Variants in PRORP observed in about 807,000 individuals in gnomAD.
The protein encoded by PRORP is protein only RNase P catalytic subunit, also known as mitochondrial ribonuclease P catalytic subunit.
Under a neutral mutation model 59.4 loss-of-function variants are expected in PRORP, and 51 were observed. The observed-to-expected ratio is 0.86, with a 90% CI of 0.69 to 1.08. PRORP has a LOEUF of 1.08. Among genes scored for constraint, PRORP ranks in the 50% least tolerant of loss-of-function variants. PRORP has a pLI of 0.00. For synonymous variants in PRORP, 231 were observed against 245.6 expected (o/e 0.94, Z 0.55); for missense variants, 646 against 690.3 (o/e 0.94, Z 0.72).
intron 4 of PRORP, among the ~76,000 whole-genome samples, chr14:35,133,303 A>G (rs1394892031): frequency 6.6e-6 from 1 of 152,178 alleles, no homozygotes; most frequent in African/African-American, 2.4e-5. Flanking sequence ...ACTCTGATGC[A>G]TTCTTCAGCA....
chr14:35,178,261 G>T (rs1400224300), intron 4 of PRORP, among the ~76,000 whole-genome samples: 6 of 152,132 alleles, frequency 3.9e-5, no homozygotes, highest in East Asian at 1.9e-4. Context: ...TATTAGGTCC[G>T]CTTGATGCCG....
At chr14:35,135,844 G>A (rs950025375) in intron 4 of PRORP, among the ~76,000 whole-genome samples, 2 of 152,052 alleles carry the variant, frequency 1.3e-5, no homozygotes, top group Non-Finnish European at 2.9e-5. Flanking sequence ...TGTAGTCCCA[G>A]CTACTAAGGA....
intron 5 of PRORP, among the ~76,000 whole-genome samples, chr14:35,188,234 A>G (rs1368281085): frequency 7.6e-6 from 1 of 132,308 alleles, no homozygotes; most frequent in East Asian, 2.3e-4. Flanking sequence ...TCTGTTGCCC[A>G]GGCTGGAGTG....
chr14:35,152,499 A>G (rs1188992634), intron 4 of PRORP, among the ~76,000 whole-genome samples: 1 of 124,740 alleles, frequency 8.0e-6, no homozygotes, highest in Non-Finnish European at 1.7e-5. Context: ...ACTTCCCAGA[A>G]GGGGCGGCCA....
At chr14:35,228,059 C>A (rs1056962384) in intron 5 of PRORP, among the ~76,000 whole-genome samples, 1 of 152,170 alleles carries the variant, frequency 6.6e-6, no homozygotes, top group African/African-American at 2.4e-5. Flanking sequence ...AGAAGAATCG[C>A]TTGAACCCAG....
At chr14:35,234,530 T>C (rs929676502) in intron 5 of PRORP, among the ~76,000 whole-genome samples, 1 of 152,202 alleles carries the variant, frequency 6.6e-6, no homozygotes, top group Non-Finnish European at 1.5e-5. Context: ...AATTTTTGGA[T>C]GTATGCTAAT....
intron 4 of PRORP, among the ~76,000 whole-genome samples, chr14:35,148,237 C>A (rs1566456359): frequency 2.0e-5 from 3 of 152,198 alleles, no homozygotes; most frequent in Admixed American, 2.0e-4. Flanking sequence ...CAGCTATAGC[C>A]TTACAAAACA....
chr14:35,205,304 C>G (rs2139145427), intron 5 of PRORP, among the ~76,000 whole-genome samples: 1 of 152,312 alleles, frequency 6.6e-6, no homozygotes, highest in East Asian at 1.9e-4. Flanking sequence ...GCCTCAGCCT[C>G]CTGAGTAGCT....
intron 4 of PRORP, among the ~76,000 whole-genome samples, chr14:35,148,120 T>C (rs2138875457): frequency 6.6e-6 from 1 of 152,398 alleles, no homozygotes; most frequent in East Asian, 1.9e-4. Context: ...TTTCAACCTC[T>C]TTCCATGAAT....
At chr14:35,170,394 T>G (rs150319659) in intron 4 of PRORP, among the ~76,000 whole-genome samples, 1 of 152,148 alleles carries the variant, frequency 6.6e-6, no homozygotes, top group Non-Finnish European at 1.5e-5. Context: ...TGCTTTTTTT[T>G]AAACTTTTAA....
chr14:35,238,590 G>T (rs1384370065), intron 5 of PRORP, among the ~76,000 whole-genome samples: 1 of 152,252 alleles, frequency 6.6e-6, no homozygotes, highest in South Asian at 2.1e-4. Context: ...GAAAGTCTAG[G>T]ACTTTGGGAA....
intron 5 of PRORP, among the ~76,000 whole-genome samples, chr14:35,243,031 G>A (rs926678829): frequency 6.6e-6 from 1 of 152,172 alleles, no homozygotes; most frequent in African/African-American, 2.4e-5. Context: ...AACTGAACCT[G>A]AAGTAATGGT....
intron 3 of PRORP, 80 bp from the exon 4 acceptor site, chr14:35,127,398 CA>C: frequency 3.0e-6 from 3 of 1,001,392 alleles, no homozygotes; most frequent in Non-Finnish European, 4.2e-6. Flanking sequence ...TTAATTTCCT[CA>C]TTGTTCATTT....
intron 5 of PRORP, among the ~76,000 whole-genome samples, chr14:35,201,255 C>T (rs2049140499): frequency 2.0e-5 from 3 of 152,200 alleles, no homozygotes; most frequent in Non-Finnish European, 4.4e-5. Context: ...TGTAAAGTTA[C>T]TCTTTTTTTT....
rs373421514 is a variant in PRORP at position 35,125,458 on chromosome 14, G to A, written c.986+1227G>A. ...TTTTTAAGAGGTGGGGTCTTGCTGT[G>A]TTGACCAGGCTGGACTCAAACTCTT... On this transcript the variant is annotated intron_variant, in intron 2 of 7. Transcript: ENST00000534898. 5.3e-5 allele frequency among the ~76,000 whole-genome samples: 8 copies of A among 152,182 alleles called. No individual in the cohort carries two copies. In the East Asian group the frequency reaches 1.3e-3, roughly 26 times the overall value.
At position 35,243,728 on chromosome 14, in the gene PRORP, A is replaced by G. The variant is rs148427461; in HGVS notation, c.1276-22999A>G. On this transcript the variant is annotated intron_variant, in intron 5 of 7. Coordinates refer to ENST00000534898, the MANE Select transcript of PRORP (RefSeq NM_014672.4). Reference sequence around the variant, plus strand: ...GCCTGTAACTTTGAACTAGTTCCTTAACCTTGCTGTGGCTCAGTTTCCCCA... The same window carrying G: ...GCCTGTAACTTTGAACTAGTTCCTTGACCTTGCTGTGGCTCAGTTTCCCCA... Among the ~76,000 whole-genome samples, 415 of 152,264 alleles carry G rather than the reference A, an allele frequency of 2.7e-3. 3 individuals carry two copies. Among genetic ancestry groups the G allele is most frequent in the African/African-American group, 9.8e-3 (406 of 41,554 alleles).
chr14:35,237,535 T>C (rs971499934), intron 5 of PRORP, among the ~76,000 whole-genome samples: 6 of 152,154 alleles, frequency 3.9e-5, no homozygotes, highest in Admixed American at 6.6e-5. Context: ...TCTATCCTCT[T>C]CCACAGGCAA....
chr14:35,221,396 G>A (rs531606651), intron 5 of PRORP, among the ~76,000 whole-genome samples: 1 of 152,056 alleles, frequency 6.6e-6, no homozygotes, highest in African/African-American at 2.4e-5. Context: ...CTCTAATATG[G>A]CTTGGTATGG....
intron 5 of PRORP, among the ~76,000 whole-genome samples, chr14:35,242,029 C>G (rs968601586): frequency 6.6e-6 from 1 of 152,104 alleles, no homozygotes; most frequent in African/African-American, 2.4e-5. Context: ...ACCCGTGCTT[C>G]AGGTAGTACC....
Sources: gnomAD v4.1 joint callset for allele counts (sites outside exome capture counted in the v4.1 genomes callset) on GRCh38, gnomAD v4.1.1 for gene constraint, MANE v1.5 for transcripts, NCBI Gene and HGNC (gene_info 2026-07-23, HGNC 2026-07-21) for gene names.